Variants in NEU3 observed in about 807,000 individuals in gnomAD.
NEU3 encodes the protein sialidase-3.
In NEU3, 10 loss-of-function variants were observed where a neutral mutation model predicts 11.4. The ratio of observed to expected loss-of-function variants is 0.88; its 90% CI spans 0.54 to 1.49. NEU3 has a LOEUF of 1.49. Ranked by LOEUF, NEU3 falls within the 40% of genes most tolerant of loss-of-function variation. NEU3 has a pLI of 0.00. For synonymous variants in NEU3, 212 were observed against 228.2 expected, an observed-to-expected ratio of 0.93 and a Z score of 0.64; for missense variants, 529 against 581.8, an observed-to-expected ratio of 0.91 and a Z score of 0.93.
chr11:75,018,582 C>T (rs1948990591), intron 3 of NEU3: 1 of 152,236 alleles, frequency 6.6e-6, no homozygotes, highest in Admixed American at 6.5e-5. Context: ...CTCAGACTGG[C>T]TTTCCTTGCT....
rs768970350 is a variant in NEU3 at position 74,994,864 on chromosome 11, TC to T, written c.306+145del. The T allele has an allele frequency of 9.7e-5, 74 of 759,572 alleles. No homozygotes were observed. The African/African-American group carries it at 1.0e-3, about 11-fold the overall frequency. The allele number at this position is 759,572 out of a possible 1,614,324, so 47.1% of individuals were successfully genotyped here. A position where few individuals can be genotyped will look rare whatever the true frequency, so the allele number is the denominator to read the frequency against. On this transcript the variant is annotated intron_variant, in intron 2 of 2. Transcript: ENST00000294064. Reference sequence around the variant, plus strand: ...CAGAAAAAACAGCAAAAACAATGGCTCTCACTGAGTGCTTATTGTGTGCCAG... The same window carrying T: ...CAGAAAAAACAGCAAAAACAATGGCTTCACTGAGTGCTTATTGTGTGCCAG...
At chr11:75,012,990 T>C (rs1948965017), downstream of NEU3, among the ~76,000 whole-genome samples, 1 of 152,218 alleles carries the variant, frequency 6.6e-6, no homozygotes, top group South Asian at 2.1e-4. Flanking sequence ...GTTAACCTGT[T>C]GGTGATGTCG....
Position 75,006,498 on chromosome 11 carries a change from T to C in NEU3, c.*6T>C, listed in dbSNP as rs1157734622. ...GCCAATTCAAAAGCAATTAATTGGC[T>C]TAGGACCCAATTTCCATAGATGCAA... On this transcript the variant is annotated 3_prime_UTR_variant, in exon 3 of 3. Transcript: ENST00000294064. 6.3e-7 allele frequency: 1 copy of C among 1,596,838 alleles called. No individual in the cohort carries two copies. The highest frequency in any genetic ancestry group is 8.5e-7 in the Non-Finnish European group (1 of 1,170,712).
In NEU3 at chr11:75,009,084, G is replaced by A. The variant is rs982175234; in HGVS notation, c.*2592G>A. 6 of 152,248 alleles carry A rather than the reference G, an allele frequency of 3.9e-5. No individual in the cohort carries two copies. Among genetic ancestry groups the A allele is most frequent in the African/African-American group, 7.2e-5 (3 of 41,450 alleles). 9.4% of individuals were successfully genotyped at this position (152,248 alleles called of 1,614,324 possible). On this transcript the variant is annotated 3_prime_UTR_variant, in exon 3 of 3. Coordinates refer to ENST00000294064, the MANE Select transcript of NEU3 (RefSeq NM_006656.6). Reference sequence around the variant, plus strand: ...TCTTATCTCAGGAATAGTAAGAAAAGGGGGTTGGGAACAGGGGAAATCCAG... The same window carrying A: ...TCTTATCTCAGGAATAGTAAGAAAAAGGGGTTGGGAACAGGGGAAATCCAG...
intron 2 of NEU3, among the ~76,000 whole-genome samples, chr11:74,998,917 A>T (rs1018581130): frequency 3.3e-5 from 5 of 152,216 alleles, no homozygotes; most frequent in African/African-American, 1.2e-4. Context: ...TTCTAGGACA[A>T]GCATTGCCTG....
At chr11:74,989,343 G>A (rs181657659) in intron 1 of NEU3, among the ~76,000 whole-genome samples, 189 bp downstream of exon 1, 2 of 152,162 alleles carry the variant, frequency 1.3e-5, no homozygotes, top group Admixed American at 1.3e-4. Flanking sequence ...CACAGAAGCC[G>A]AACTTAAACC....
chr11:74,985,070 C>T (rs1948657237), upstream of NEU3, among the ~76,000 whole-genome samples: 1 of 152,104 alleles, frequency 6.6e-6, no homozygotes, highest in South Asian at 2.1e-4. Context: ...AAGATGAGAC[C>T]ATCTGAGTTT....
In NEU3 at chr11:75,005,603, A is replaced by C; in HGVS notation, c.497A>C (p.Asp166Ala). 6.2e-7 allele frequency: 1 copy of C among 1,614,012 alleles called. No individual in the cohort carries two copies. Among genetic ancestry groups the C allele is most frequent in the Non-Finnish European group, 8.5e-7 (1 of 1,179,900 alleles). The change falls in exon 3 of 3, where the codon GAT becomes GCT. Residue 166 changes from aspartate (D) to alanine (A), a missense_variant. By Grantham distance (126) the Asp-to-Ala change is moderately radical (BLOSUM62 -2). Coordinates refer to ENST00000294064, the MANE Select transcript of NEU3 (RefSeq NM_006656.6). Reference protein sequence around the residue: ...AARLCFIYSQDAGCSWSEVRD... With the variant: ...AARLCFIYSQAAGCSWSEVRD... ...CGCCTTTGCTTCATCTACAGTCAGG[A>C]TGCTGGATGTTCATGGAGTGAGGTG...
At chr11:75,018,691 A>G (rs1256922523) in exon 4 of NEU3, 1 of 152,192 alleles carries the variant, frequency 6.6e-6, no homozygotes, top group Non-Finnish European at 1.5e-5. Context: ...GTCCCTCTAG[A>G]GAACCCTGAC....
intron 2 of NEU3, chr11:75,004,455 T>G: frequency 2.2e-6 from 1 of 464,108 alleles, no homozygotes; most frequent in East Asian, 3.5e-5. Flanking sequence ...AAGCTGAACT[T>G]TTTTTTCTCT....
intron 1 of NEU3, among the ~76,000 whole-genome samples, chr11:74,992,124 A>C (rs1948738592): frequency 6.6e-6 from 1 of 152,234 alleles, no homozygotes; most frequent in Admixed American, 6.5e-5. Flanking sequence ...TTATGTGGCT[A>C]TCTGAAACGA....
rs937794291 is a variant in NEU3, at chr11:75,008,042, G to A, written c.*1550G>A. ...GATTGCTTAAGCCATGGCTTAGAGT[G>A]GCTTTTAAAAATCCCCTTAGCCTCT... is the stretch of plus-strand genomic sequence containing the variant. On this transcript the variant is annotated 3_prime_UTR_variant, in exon 3 of 3. Transcript: ENST00000294064. The A allele has an allele frequency of 6.6e-6, 1 of 152,080 alleles. No homozygotes were observed. Among genetic ancestry groups the A allele is most frequent in the African/African-American group, 2.4e-5 (1 of 41,400 alleles). The allele number at this position is 152,080 out of a possible 1,614,324, so 9.4% of individuals were successfully genotyped here.
chr11:74,997,795 G>A (rs1390884570), intron 2 of NEU3, among the ~76,000 whole-genome samples: 2 of 151,854 alleles, frequency 1.3e-5, no homozygotes, highest in African/African-American at 2.4e-5. Context: ...CACAGGAGGC[G>A]GGGGTTGCAG....
intron 2 of NEU3, among the ~76,000 whole-genome samples, chr11:74,997,584 G>T (rs548473713): frequency 6.6e-6 from 1 of 150,926 alleles, no homozygotes; most frequent in Non-Finnish European, 1.5e-5. Context: ...GGTGGCTCAC[G>T]CCTGTAATCC....
At chr11:74,988,822 G>A (rs917072963), upstream of NEU3, 9 of 534,028 alleles carry the variant, frequency 1.7e-5, no homozygotes, top group African/African-American at 1.6e-4. Context: ...GAGGGGCAGC[G>A]CCGAGGGGGC....
At chr11:75,015,305 C>T (rs993713108), downstream of NEU3, among the ~76,000 whole-genome samples, 1 of 152,208 alleles carries the variant, frequency 6.6e-6, no homozygotes. Flanking sequence ...GACACCAAAT[C>T]TGCTGGTAGC....
In NEU3 at chr11:75,010,393, C is replaced by A. The variant is rs542821260; in HGVS notation, c.*3901C>A. 6.6e-6 allele frequency: 1 copy of A among 152,220 alleles called. No homozygotes were observed. Among genetic ancestry groups the A allele is most frequent in the African/African-American group, 2.4e-5 (1 of 41,438 alleles). The allele number at this position is 152,220 out of a possible 1,614,324, so 9.4% of individuals were successfully genotyped here. On this transcript the variant is annotated 3_prime_UTR_variant, in exon 3 of 3. Transcript: ENST00000294064. ...TACACTGAATGAATGAATGAGTCAACCATCCTTGGCCTCTGGAGCTAATTG... is the reference window on the plus strand; with the variant it reads ...TACACTGAATGAATGAATGAGTCAAACATCCTTGGCCTCTGGAGCTAATTG...
At chr11:75,004,237 A>G in intron 2 of NEU3, 1 of 638,474 alleles carries the variant, frequency 1.6e-6, no homozygotes, top group Non-Finnish European at 2.8e-6. Context: ...AAGCTTTATG[A>G]TTTTGCTAAT....
chr11:74,989,124 A>G lies in NEU3; in HGVS notation c.64A>G (p.Thr22Ala). The change falls in exon 1 of 3, where the codon ACA (threonine) becomes GCA (alanine). Residue 22 changes from threonine (T) to alanine (A), a missense_variant. Transcript: ENST00000294064. The stretch of plus-strand genomic sequence containing the variant: ...ATCCCCGGCGTCCAGCTCTGCCCCG[A>G]CAGAGACGGAGGAGCCGGGGTCCAG... ...EESPASSSAP[T>A]ETEEPGSSAE... 3 of 1,550,944 alleles carry G rather than the reference A, an allele frequency of 1.9e-6. No individual in the cohort carries two copies. The highest frequency in any genetic ancestry group is 2.4e-5 in the East Asian group (1 of 40,852).
Sources: gnomAD v4.1 joint callset for allele counts (sites outside exome capture counted in the v4.1 genomes callset) on GRCh38, gnomAD v4.1.1 for gene constraint, MANE v1.5 for transcripts, NCBI Gene and HGNC (gene_info 2026-07-23, HGNC 2026-07-21) for gene names.